ATP8A2: variants seen among roughly 807,000 people sequenced by gnomAD.
The protein encoded by ATP8A2 is phospholipid-transporting ATPase IB.
A neutral mutation model predicts 165.6 loss-of-function variants in ATP8A2; 100 were observed. That is an observed-to-expected ratio of 0.60 (90% confidence interval 0.51 to 0.71). ATP8A2 has a LOEUF of 0.71. Among genes scored for constraint, ATP8A2 ranks in the 30% least tolerant of loss-of-function variants. ATP8A2 has a pLI of 0.00. For missense variants in ATP8A2, 1,227 were observed against 1,479.5 expected, an observed-to-expected ratio of 0.83 and a Z score of 2.80; for synonymous variants, 543 against 548.8, an observed-to-expected ratio of 0.99 and a Z score of 0.15.
At chr13:25,933,054 G>C (rs1035009183) in intron 33 of ATP8A2, among the ~76,000 whole-genome samples, 2 of 152,168 alleles carry the variant, frequency 1.3e-5, no homozygotes, top group African/African-American at 4.8e-5. Context: ...TGCCATGTTG[G>C]CCAGGCTGGT....
At chr13:25,664,386 C>T (rs536894945) in intron 24 of ATP8A2, among the ~76,000 whole-genome samples, 185 of 152,152 alleles carry the variant, frequency 1.2e-3, no homozygotes, top group Non-Finnish European at 2.1e-3. Flanking sequence ...CCTTCCTCAC[C>T]CACGCCTCTT....
chr13:25,389,414 C>T (rs2033166141), intron 1 of ATP8A2, among the ~76,000 whole-genome samples: 1 of 152,164 alleles, frequency 6.6e-6, no homozygotes, highest in Non-Finnish European at 1.5e-5. Flanking sequence ...AGTCCAAGCA[C>T]TTTCTGGGAG....
intron 35 of ATP8A2, among the ~76,000 whole-genome samples, chr13:26,012,289 A>G (rs1422323134): frequency 6.6e-6 from 1 of 152,124 alleles, no homozygotes; most frequent in Non-Finnish European, 1.5e-5. Flanking sequence ...GCACATGCAC[A>G]CTTCAGCGAG....
intron 27 of ATP8A2, among the ~76,000 whole-genome samples, chr13:25,780,932 T>C (rs112447808): frequency 0.028 from 4,193 of 152,174 alleles, 180 homozygotes; most frequent in African/African-American, 0.096. Flanking sequence ...GGGTTGGGGA[T>C]CCCTGTACTA....
chr13:25,518,184 A>G (rs912037662), intron 2 of ATP8A2, among the ~76,000 whole-genome samples: 2 of 152,172 alleles, frequency 1.3e-5, no homozygotes, highest in African/African-American at 4.8e-5. Context: ...TAAACTGCTT[A>G]ATGTTTAGTG....
chr13:25,826,473 T>C (rs1951315659), intron 27 of ATP8A2, among the ~76,000 whole-genome samples: 1 of 152,218 alleles, frequency 6.6e-6, no homozygotes, highest in Non-Finnish European at 1.5e-5. Flanking sequence ...TCATACTGGA[T>C]ACAGTAGTGC....
chr13:25,372,978 A>G lies in ATP8A2; in HGVS notation c.76+690A>G, dbSNP rs1253027838. 6.6e-6 allele frequency among the ~76,000 whole-genome samples: 1 copy of G among 152,172 alleles called. No individual in the cohort carries two copies. The highest frequency in any genetic ancestry group is 2.4e-5 in the African/African-American group (1 of 41,434). On this transcript the variant is annotated intron_variant, in intron 1 of 36. Coordinates refer to ENST00000381655, the MANE Select transcript of ATP8A2 (RefSeq NM_016529.6). This position sits in a 1 kb window ranked among gnomAD's most constrained non-coding sequence, Gnocchi z 4.8. The stretch of plus-strand genomic sequence containing the variant: ...TGTTGGAACTCGAAACCTAAAGCCA[A>G]ACACGCATGTACCATACCCGACCAC...
At chr13:25,801,573 C>T (rs1950622605) in intron 27 of ATP8A2, among the ~76,000 whole-genome samples, 1 of 152,182 alleles carries the variant, frequency 6.6e-6, no homozygotes, top group Non-Finnish European at 1.5e-5. Flanking sequence ...GGTACTCCTC[C>T]TTCTCCTTCT....
chr13:25,860,303 T>C, intron 31 of ATP8A2, 47 bp downstream of exon 31: 1 of 1,242,416 alleles, frequency 8.0e-7, no homozygotes, highest in Non-Finnish European at 1.2e-6. Context: ...AGCTTATGTG[T>C]GGCTTGCACT....
chr13:25,914,480 A>C (rs2209321), intron 33 of ATP8A2, among the ~76,000 whole-genome samples: 12,746 of 152,120 alleles, frequency 0.084, 1,402 homozygotes, highest in African/African-American at 0.24. Context: ...TATCCATCTC[A>C]ATGCTCAGAA....
At chr13:25,515,733 A>G (rs1489152492) in intron 2 of ATP8A2, among the ~76,000 whole-genome samples, 2 of 152,220 alleles carry the variant, frequency 1.3e-5, no homozygotes, top group East Asian at 3.8e-4. Flanking sequence ...TGTCAGTCTG[A>G]AGCTAGGCAG....
chr13:25,784,458 C>T (rs2044970816), intron 27 of ATP8A2, among the ~76,000 whole-genome samples: 1 of 152,172 alleles, frequency 6.6e-6, no homozygotes, highest in South Asian at 2.1e-4. Flanking sequence ...AGAGACAGCA[C>T]CCACATAGTT....
In ATP8A2 at chr13:26,023,323, C is replaced by T. The variant is rs1350412240; in HGVS notation, c.*3338C>T. ...GCGAGGAGTGCTGTTTCTTTTAACACTTGTAGAGGAATATCCTGAGAAGTG... is the reference window on the plus strand; with the variant it reads ...GCGAGGAGTGCTGTTTCTTTTAACATTTGTAGAGGAATATCCTGAGAAGTG... On this transcript the variant is annotated 3_prime_UTR_variant, in exon 37 of 37. Transcript: ENST00000381655. The T allele has an allele frequency of 2.0e-5, 3 of 152,174 alleles. No individual in the cohort carries two copies. The highest frequency in any genetic ancestry group is 7.2e-5 in the African/African-American group (3 of 41,438). 9.4% of individuals were successfully genotyped at this position (152,174 alleles called of 1,614,324 possible). A position where few individuals can be genotyped will look rare whatever the true frequency, so the allele number is the denominator to read the frequency against.
Position 25,403,447 on chromosome 13 carries a change from G to C in ATP8A2, c.76+31159G>C, listed in dbSNP as rs544261994. ...ATAATATTGAGTTAAATCAGGCTTG[G>C]AAAGTACAGCAATGTACTGTGCTAG... On this transcript the variant is annotated intron_variant, in intron 1 of 36. Transcript: ENST00000381655. Among the ~76,000 whole-genome samples the C allele has an allele frequency of 4.3e-4, 66 of 152,310 alleles. No homozygotes were observed. The Middle Eastern group carries it at 0.017, about 39-fold the overall frequency.
At chr13:25,705,108 G>C in intron 25 of ATP8A2, 1 of 403,362 alleles carries the variant, frequency 2.5e-6, no homozygotes, top group Non-Finnish European at 4.8e-6. Flanking sequence ...ATATGTTCAA[G>C]AAAGAGTTAT....
intron 33 of ATP8A2, among the ~76,000 whole-genome samples, chr13:25,915,047 C>T (rs554661760): frequency 4.6e-5 from 7 of 152,280 alleles, no homozygotes; most frequent in South Asian, 2.1e-4. Flanking sequence ...CTTTCTGTGC[C>T]GACCCACAGC....
intron 1 of ATP8A2, among the ~76,000 whole-genome samples, chr13:25,446,551 G>GT (rs35872594): frequency 0.41 from 62,601 of 151,928 alleles, 13,976 homozygotes; most frequent in East Asian, 0.59. Context: ...AGTACATTGA[G>GT]TTTTTTGTTC....
At chr13:25,513,548 A>G (rs1212576875) in intron 2 of ATP8A2, among the ~76,000 whole-genome samples, 1 of 151,966 alleles carries the variant, frequency 6.6e-6, no homozygotes, top group East Asian at 2.0e-4. Flanking sequence ...CACTTCCCAG[A>G]CGGGGTGGCG....
intron 24 of ATP8A2, among the ~76,000 whole-genome samples, chr13:25,627,006 C>T (rs2041118055): frequency 6.6e-6 from 1 of 152,086 alleles, no homozygotes; most frequent in South Asian, 2.1e-4. Context: ...CAGTCCCTCC[C>T]ACAACACGTG....
Sources: allele counts gnomAD v4.1 joint callset (sites outside exome capture counted in the v4.1 genomes callset), GRCh38; gene constraint gnomAD v4.1.1; non-coding constraint Gnocchi (gnomAD v3.1); transcripts MANE v1.5; gene names NCBI Gene and HGNC (gene_info 2026-07-23, HGNC 2026-07-21).